The following TRDN variants were observed in gnomAD, a reference collection of about 807,000 sequenced individuals.
TRDN encodes the protein triadin in skeletal muscle.
TRDN carries 161 observed loss-of-function variants against 149.7 expected under a neutral mutation model. The ratio of observed to expected loss-of-function variants is 1.08; its 90% CI spans 0.95 to 1.23. The LOEUF (loss-of-function observed/expected upper bound fraction) is 1.23, where lower values mean the gene tolerates loss of function less well. TRDN is among the 50% of genes most tolerant of loss of function. TRDN has a pLI of 0.00. For missense variants in TRDN, 896 were observed against 823.5 expected, an observed-to-expected ratio of 1.09 and a Z score of -1.08; for synonymous variants, 294 against 250.5, an observed-to-expected ratio of 1.17 and a Z score of -1.64.
intron 27 of TRDN, among the ~76,000 whole-genome samples, chr6:123,273,761 T>A (rs533258063): frequency 5.3e-5 from 8 of 152,156 alleles, no homozygotes; most frequent in African/African-American, 1.9e-4. Flanking sequence ...AGATTTGTAT[T>A]CTTGATTTGT....
chr6:123,372,476 T>C (rs1781359868), intron 19 of TRDN, among the ~76,000 whole-genome samples: 1 of 152,058 alleles, frequency 6.6e-6, no homozygotes, highest in African/African-American at 2.4e-5. Context: ...AATGACTATA[T>C]TTTGGCTTTA....
chr6:123,506,517 CTTGGCTCTG>C (rs1310025054), intron 7 of TRDN, among the ~76,000 whole-genome samples: 4 of 151,766 alleles, frequency 2.6e-5, no homozygotes, highest in African/African-American at 9.7e-5. Flanking sequence ...TAGATAGACT[CTTGGCTCTG>C]TTGCCAGGCT....
intron 1 of TRDN, among the ~76,000 whole-genome samples, chr6:123,579,819 G>A (rs572006342): frequency 5.9e-5 from 9 of 152,244 alleles, no homozygotes; most frequent in Non-Finnish European, 1.0e-4. Context: ...TTCTTGTGAC[G>A]AGTGAGTTCT....
intron 23 of TRDN, among the ~76,000 whole-genome samples, chr6:123,319,634 T>C (rs1779168241): frequency 6.6e-6 from 1 of 152,142 alleles, no homozygotes; most frequent in Non-Finnish European, 1.5e-5. Flanking sequence ...CTGTCTTCAC[T>C]GTTTAATTGT....
At chr6:123,537,779 TG>T (rs1429996527) in intron 4 of TRDN, among the ~76,000 whole-genome samples, 23 of 152,176 alleles carry the variant, frequency 1.5e-4, no homozygotes, top group Non-Finnish European at 3.1e-4. Context: ...GAAAATAGAT[TG>T]TATCAGTGAT....
At chr6:123,440,754 CA>C (rs1774831149) in intron 10 of TRDN, among the ~76,000 whole-genome samples, 1 of 152,160 alleles carries the variant, frequency 6.6e-6, no homozygotes, top group African/African-American at 2.4e-5. Flanking sequence ...CCGAACTTCA[CA>C]AAGAAAGTAG....
At chr6:123,279,811 T>C (rs1777518914) in intron 24 of TRDN, among the ~76,000 whole-genome samples, 2 of 152,136 alleles carry the variant, frequency 1.3e-5, no homozygotes, top group South Asian at 4.1e-4. Context: ...AAACATAATA[T>C]GTATGCTCTA....
chr6:123,574,292 C>T (rs1782719958), intron 1 of TRDN, among the ~76,000 whole-genome samples: 1 of 151,942 alleles, frequency 6.6e-6, no homozygotes, highest in Non-Finnish European at 1.5e-5. Context: ...TTGAACTTAA[C>T]TTAGTGAAAA....
At chr6:123,627,185 C>T (rs1785721613) in intron 1 of TRDN, among the ~76,000 whole-genome samples, 1 of 152,084 alleles carries the variant, frequency 6.6e-6, no homozygotes, top group Admixed American at 6.6e-5. Context: ...CCACCTTGGC[C>T]TCCAAATTGC....
intron 12 of TRDN, among the ~76,000 whole-genome samples, chr6:123,403,627 A>C (rs1202093158): frequency 6.6e-6 from 1 of 152,208 alleles, no homozygotes; most frequent in Non-Finnish European, 1.5e-5. Context: ...GATAAAGTAC[A>C]TCTTAGTCTG....
At position 123,386,642 on chromosome 6, in the gene TRDN, G is replaced by T. The variant is rs148472226; in HGVS notation, c.1135+1880C>A. On this transcript the variant is annotated intron_variant, in intron 14 of 40. Transcript: ENST00000334268. ...CATGGCTCCCTATCTCTCCCAGGAG[G>T]ATGTCAAGAGGCAGCTTCTCATCAC... Among the ~76,000 whole-genome samples the T allele has an allele frequency of 3.1e-3, 472 of 152,308 alleles. 4 individuals carry two copies. The highest frequency in any genetic ancestry group is 0.011 in the African/African-American group (441 of 41,572).
intron 20 of TRDN, among the ~76,000 whole-genome samples, chr6:123,360,746 GGAGA>G (rs1490361769): frequency 7.0e-6 from 1 of 142,618 alleles, no homozygotes; most frequent in African/African-American, 2.6e-5. Context: ...AGAGAGACAG[GGAGA>G]GAGAGAGAGG....
intron 1 of TRDN, among the ~76,000 whole-genome samples, chr6:123,599,387 C>G (rs1262568822): frequency 1.3e-5 from 2 of 152,012 alleles, no homozygotes; most frequent in Non-Finnish European, 2.9e-5. Context: ...ATGCTAAACT[C>G]ATTCATAACT....
chr6:123,559,222 A>G (rs1016808381), intron 2 of TRDN, among the ~76,000 whole-genome samples: 7 of 152,080 alleles, frequency 4.6e-5, no homozygotes, highest in African/African-American at 1.2e-4. Flanking sequence ...CACCCACTCC[A>G]CATTACCTTC....
intron 5 of TRDN, among the ~76,000 whole-genome samples, chr6:123,520,718 A>G (rs1339009691): frequency 1.3e-5 from 2 of 152,184 alleles, no homozygotes; most frequent in Non-Finnish European, 2.9e-5. Context: ...ATGTATGGAC[A>G]ATTTCCCCTT....
intron 20 of TRDN, among the ~76,000 whole-genome samples, chr6:123,362,990 A>G (rs963484189): frequency 3.3e-5 from 5 of 152,182 alleles, no homozygotes; most frequent in African/African-American, 1.2e-4. Context: ...CAAATAAAAT[A>G]TGACTTAAAA....
At chr6:123,319,678 A>G (rs1779169664) in intron 23 of TRDN, among the ~76,000 whole-genome samples, 1 of 152,078 alleles carries the variant, frequency 6.6e-6, no homozygotes, top group Admixed American at 6.6e-5. Flanking sequence ...TAATAATACA[A>G]TATCTAATTT....
At position 123,265,363 on chromosome 6, in the gene TRDN, A is replaced by G. The variant is rs756906132; in HGVS notation, c.1784-25T>C. ...TCTAAAAAGGAAAAAAGAAAAAAAA[A>G]GAAAATGAGTGATAATTTTCTATCT... On this transcript the variant is annotated intron_variant, in intron 32 of 40. Transcript: ENST00000334268. The G allele has an allele frequency of 5.1e-6, 7 of 1,385,822 alleles. No individual in the cohort carries two copies. In the South Asian group the frequency reaches 9.6e-5, roughly 19 times the overall value. The allele number at this position is 1,385,822 out of a possible 1,614,324, so 85.8% of individuals were successfully genotyped here. A position where few individuals can be genotyped will look rare whatever the true frequency, so the allele number is the denominator to read the frequency against.
At chr6:123,498,799 G>A (rs1004280903) in intron 8 of TRDN, among the ~76,000 whole-genome samples, 2 of 152,198 alleles carry the variant, frequency 1.3e-5, no homozygotes, top group Admixed American at 1.3e-4. Context: ...AAAGTTTGAA[G>A]TCAGACCAGT....
Sources: gnomAD v4.1 joint callset for allele counts (sites outside exome capture counted in the v4.1 genomes callset) on GRCh38, gnomAD v4.1.1 for gene constraint, MANE v1.5 for transcripts, NCBI Gene and HGNC (gene_info 2026-07-23, HGNC 2026-07-21) for gene names.